The following TBC1D32 variants were observed in gnomAD, a reference collection of about 807,000 sequenced individuals.
TBC1D32 encodes the protein TBC1 domain family member 32.
TBC1D32 carries 151 observed loss-of-function variants against 170.3 expected under a neutral mutation model. That is an observed-to-expected ratio of 0.89 (90% CI 0.78 to 1.01). The LOEUF is 1.01. Ranked by LOEUF, TBC1D32 falls within the 50% of genes least tolerant of loss-of-function variation. The pLI is 0.00. For synonymous variants in TBC1D32, 498 were observed against 488.0 expected, an observed-to-expected ratio of 1.02 and a Z score of -0.27; for missense variants, 1,464 against 1,457.1, an observed-to-expected ratio of 1.00 and a Z score of -0.08.
chr6:121,196,388 G>C (rs1790741183), intron 22 of TBC1D32, among the ~76,000 whole-genome samples: 1 of 152,166 alleles, frequency 6.6e-6, no homozygotes, highest in South Asian at 2.1e-4. Context: ...ACCGTTCCTT[G>C]GAGTGATCAG....
intron 22 of TBC1D32, among the ~76,000 whole-genome samples, chr6:121,161,699 C>G (rs139082892): frequency 0.025 from 3,762 of 152,050 alleles, 166 homozygotes; most frequent in East Asian, 0.13. Context: ...GGGTATATAC[C>G]CAGTAATGGG....
At chr6:121,116,371 T>C (rs933281491) in intron 26 of TBC1D32, among the ~76,000 whole-genome samples, 7 of 152,254 alleles carry the variant, frequency 4.6e-5, no homozygotes, top group Admixed American at 3.3e-4. Flanking sequence ...CAAATGTATA[T>C]AGATAACTCT....
At chr6:121,080,946 G>A (rs1775579066) in intron 31 of TBC1D32, 56 bp from the exon 32 acceptor site, 4 of 1,577,022 alleles carry the variant, frequency 2.5e-6, no homozygotes, top group African/African-American at 1.4e-5. Context: ...ACAATTCCAA[G>A]TTAATGAATT....
At chr6:121,156,833 T>C (rs1296051124) in intron 24 of TBC1D32, among the ~76,000 whole-genome samples, 2 of 152,146 alleles carry the variant, frequency 1.3e-5, no homozygotes, top group Non-Finnish European at 2.9e-5. Context: ...TGAGAAATCT[T>C]CTTAGTATTA....
chr6:121,290,179 C>G (rs1804604281), intron 12 of TBC1D32, among the ~76,000 whole-genome samples: 1 of 152,102 alleles, frequency 6.6e-6, no homozygotes, highest in Non-Finnish European at 1.5e-5. Flanking sequence ...AGCTTCTGCA[C>G]AGCAAAAGAA....
chr6:121,101,269 T>G (rs544360531), intron 30 of TBC1D32, among the ~76,000 whole-genome samples: 29,139 of 151,512 alleles, frequency 0.19, 3,847 homozygotes, highest in African/African-American at 0.36. Context: ...TCAAAGCCGG[T>G]CAGAGACACA....
intron 24 of TBC1D32, among the ~76,000 whole-genome samples, chr6:121,150,182 G>A (rs189282180): frequency 3.3e-5 from 5 of 152,280 alleles, no homozygotes; most frequent in African/African-American, 9.6e-5. Context: ...TTTGAGATAC[G>A]TTCCATCAAT....
intron 21 of TBC1D32, among the ~76,000 whole-genome samples, chr6:121,215,753 A>C (rs1350329115): frequency 2.0e-5 from 3 of 152,196 alleles, no homozygotes; most frequent in African/African-American, 7.2e-5. Flanking sequence ...CGAAAAAAGC[A>C]CAATATTACT....
intron 22 of TBC1D32, among the ~76,000 whole-genome samples, chr6:121,197,669 T>A (rs113726677): frequency 0.033 from 5,085 of 152,308 alleles, 162 homozygotes; most frequent in African/African-American, 0.08. Context: ...ATAGCTGTAT[T>A]ATGTTAGGCG....
At chr6:121,222,039 C>T (rs1454249521) in intron 21 of TBC1D32, among the ~76,000 whole-genome samples, 2 of 152,128 alleles carry the variant, frequency 1.3e-5, no homozygotes, top group Admixed American at 1.3e-4. Flanking sequence ...GCCAGAGCCA[C>T]CCCAGCCCAC....
intron 1 of TBC1D32, among the ~76,000 whole-genome samples, chr6:121,323,216 T>C (rs9398631): frequency 0.67 from 102,597 of 152,082 alleles, 39,670 homozygotes; most frequent in Non-Finnish European, 0.85. Context: ...TGACTTTCAT[T>C]ACTGCCTCCC....
chr6:121,270,416 T>C (rs1033540785), intron 15 of TBC1D32, among the ~76,000 whole-genome samples: 1 of 152,088 alleles, frequency 6.6e-6, no homozygotes, highest in African/African-American at 2.4e-5. Flanking sequence ...TAATAAAAAA[T>C]GATAAAGGGT....
At position 121,317,963 on chromosome 6, in the gene TBC1D32, T is replaced by C. The variant is rs78286115; in HGVS notation, c.318-291A>G. 8.9e-3 allele frequency among the ~76,000 whole-genome samples: 1,348 copies of C among 152,224 alleles called. 26 individuals carry two copies. Among genetic ancestry groups the C allele is most frequent in the African/African-American group, 0.031 (1,274 of 41,556 alleles). On this transcript the variant is annotated intron_variant, in intron 2 of 31. Coordinates refer to ENST00000398212, the MANE Select transcript of TBC1D32 (RefSeq NM_152730.6). ...AAGAACCTAAGGCAAGAGGTTTCAA[T>C]GGCATGGATTCCAATTGCTAGCAAC...
At chr6:121,175,037 AAC>A (rs1787579452) in intron 22 of TBC1D32, among the ~76,000 whole-genome samples, 2 of 149,258 alleles carry the variant, frequency 1.3e-5, no homozygotes, top group African/African-American at 5.0e-5. Flanking sequence ...AAAAAAAAAA[AAC>A]TGATAAGATT....
chr6:121,245,613 G>A (rs76260756), intron 17 of TBC1D32, among the ~76,000 whole-genome samples: 3,635 of 152,112 alleles, frequency 0.024, 155 homozygotes, highest in East Asian at 0.12. Context: ...TGGTCCCCCC[G>A]GTACATTACT....
chr6:121,192,056 AAAC>A (rs1562844096), intron 22 of TBC1D32, among the ~76,000 whole-genome samples: 783 of 59,316 alleles, frequency 0.013, 25 homozygotes, highest in Middle Eastern at 0.051. Flanking sequence ...AATACTTAAT[AAAC>A]TACCCTTTAT....
At chr6:121,137,811 A>G (rs1385156332) in intron 24 of TBC1D32, among the ~76,000 whole-genome samples, 2 of 151,792 alleles carry the variant, frequency 1.3e-5, no homozygotes, top group African/African-American at 4.8e-5. Flanking sequence ...CGACATAAAT[A>G]TAAAGGAAAA....
intron 31 of TBC1D32, among the ~76,000 whole-genome samples, chr6:121,087,301 C>T (rs1449837782): frequency 1.3e-5 from 2 of 152,156 alleles, no homozygotes; most frequent in East Asian, 3.8e-4. Flanking sequence ...TTCACACCAC[C>T]TTCTGATCCA....
intron 22 of TBC1D32, among the ~76,000 whole-genome samples, chr6:121,192,810 T>TCC (rs149924089): frequency 0.12 from 17,702 of 152,068 alleles, 1,486 homozygotes; most frequent in Admixed American, 0.23. Context: ...CAACATCTCC[T>TCC]CCCTGACCCA....
Sources: allele counts gnomAD v4.1 joint callset (sites outside exome capture counted in the v4.1 genomes callset), GRCh38; gene constraint gnomAD v4.1.1; transcripts MANE v1.5; gene names NCBI Gene and HGNC (gene_info 2026-07-23, HGNC 2026-07-21).